The following GBP2 variants were observed in gnomAD, a reference collection of about 807,000 sequenced individuals.
GBP2 encodes the protein guanylate-binding protein 2.
A neutral mutation model predicts 60.8 loss-of-function variants in GBP2; 54 were observed. The observed-to-expected ratio is 0.89, with a 90% CI of 0.71 to 1.11. GBP2 has a LOEUF of 1.11. Ranked by LOEUF, GBP2 falls within the 50% of genes most tolerant of loss-of-function variation. The pLI is 0.00. For missense variants in GBP2, 665 were observed against 703.3 expected (o/e 0.95, Z 0.62); for synonymous variants, 243 against 256.5 (o/e 0.95, Z 0.50).
rs1681085586 is a variant in GBP2 at position 89,107,918 on chromosome 1, T to C, written c.*257A>G. 3.1e-6 allele frequency: 1 copy of C among 320,016 alleles called. No individual in the cohort carries two copies. The highest frequency in any genetic ancestry group is 2.2e-5 in the African/African-American group (1 of 45,154). 19.8% of individuals were successfully genotyped at this position (320,016 alleles called of 1,614,324 possible). A position where few individuals can be genotyped will look rare whatever the true frequency, so the allele number is the denominator to read the frequency against. The stretch of plus-strand genomic sequence containing the variant: ...AATATCTCTCTTGAGTCCTTGTGTA[T>C]GATTTCAAATATAGGATTTAGTTAA... On this transcript the variant is annotated 3_prime_UTR_variant, in exon 11 of 11. Transcript: ENST00000370466.
chr1:89,115,250 G>C (rs1681245699), intron 6 of GBP2, among the ~76,000 whole-genome samples: 1 of 152,044 alleles, frequency 6.6e-6, no homozygotes, highest in African/African-American at 2.4e-5. Context: ...AATATCCAAA[G>C]TATGTTCGGA....
In GBP2 at chr1:89,126,035, A is replaced by C. The variant is rs573942141; in HGVS notation, c.-190T>G. On this transcript the variant is annotated 5_prime_UTR_variant, in exon 1 of 11. Transcript: ENST00000370466. ...CTCCAACGTCCTGGGGCTTCCTCCA[A>C]CGTCCAGGCTCTGTCAATGTCAGAG... The C allele has an allele frequency of 2.6e-4, 39 of 152,240 alleles. No individual in the cohort carries two copies. Among genetic ancestry groups the C allele is most frequent in the African/African-American group, 8.7e-4 (36 of 41,514 alleles). The allele number at this position is 152,240 out of a possible 1,614,324, so 9.4% of individuals were successfully genotyped here. A position where few individuals can be genotyped will look rare whatever the true frequency, so the allele number is the denominator to read the frequency against.
At position 89,107,733 on chromosome 1, in the gene GBP2, C is replaced by T. The variant is rs1204993052; in HGVS notation, c.*442G>A. On this transcript the variant is annotated 3_prime_UTR_variant, in exon 11 of 11. Coordinates refer to ENST00000370466, the MANE Select transcript of GBP2 (RefSeq NM_004120.5). ...TTGTTTGGTCTCATCACATTTTCAT[C>T]ATATTCACAACACTTCAGCCCTATG... 6.6e-6 allele frequency among the ~76,000 whole-genome samples: 1 copy of T among 152,172 alleles called. No individual in the cohort carries two copies. Among genetic ancestry groups the T allele is most frequent in the African/African-American group, 2.4e-5 (1 of 41,434 alleles).
At chr1:89,121,641 T>C in intron 2 of GBP2, 136 bp downstream of exon 2, 1 of 880,086 alleles carries the variant, frequency 1.1e-6, no homozygotes, top group Non-Finnish European at 1.7e-6. Flanking sequence ...CCAAAGTCAA[T>C]GTAAAGAGCC....
intron 6 of GBP2, among the ~76,000 whole-genome samples, chr1:89,115,809 C>A (rs569966408): frequency 2.6e-5 from 4 of 152,108 alleles, no homozygotes; most frequent in Non-Finnish European, 2.9e-5. Flanking sequence ...CTACTTTTCC[C>A]AGGCTGGTCT....
intron 1 of GBP2, among the ~76,000 whole-genome samples, chr1:89,122,654 T>C (rs1055073674): frequency 1.3e-5 from 2 of 152,248 alleles, no homozygotes; most frequent in Non-Finnish European, 2.9e-5. Context: ...ACCTTAACTT[T>C]GATCACTTGG....
At chr1:89,125,241 G>A (rs778328291) in intron 1 of GBP2, among the ~76,000 whole-genome samples, 1 of 152,106 alleles carries the variant, frequency 6.6e-6, no homozygotes, top group African/African-American at 2.4e-5. Context: ...ATATGGAGTC[G>A]ATTACTTCTG....
intron 7 of GBP2, 72 bp downstream of exon 7, chr1:89,113,944 T>A: frequency 6.5e-7 from 1 of 1,540,558 alleles, no homozygotes; most frequent in East Asian, 2.2e-5. Context: ...TATTTTGGGG[T>A]CTAGAAAGAA....
intron 5 of GBP2, 49 bp downstream of exon 5, chr1:89,117,528 T>A (rs768043075): frequency 7.0e-7 from 1 of 1,428,656 alleles, no homozygotes; most frequent in South Asian, 1.2e-5. Flanking sequence ...GTTATTTTGA[T>A]ATTATTTGCT....
chr1:89,122,085 A>AT, intron 1 of GBP2, 102 bp from the exon 2 acceptor site: 5 of 710,814 alleles, frequency 7.0e-6, no homozygotes, highest in Middle Eastern at 2.9e-4. Flanking sequence ...ATGCTTGAAC[A>AT]TTTTTTCATA....
At chr1:89,122,697 A>G (rs10922573) in intron 1 of GBP2, among the ~76,000 whole-genome samples, 60,469 of 151,988 alleles carry the variant, frequency 0.4, 13,516 homozygotes, top group Non-Finnish European at 0.5. Context: ...TCTCTACCAC[A>G]AAGTGTTATG....
chr1:89,124,792 A>T (rs1681486346), intron 1 of GBP2, among the ~76,000 whole-genome samples: 1 of 152,206 alleles, frequency 6.6e-6, no homozygotes, highest in Admixed American at 6.5e-5. Context: ...ACATGTAGAA[A>T]ATCTGCTGAT....
At position 89,114,901 on chromosome 1, in the gene GBP2, C is replaced by T. The variant is rs144381986; in HGVS notation, c.869-605G>A. Among the ~76,000 whole-genome samples, 4 of 152,234 alleles carry T rather than the reference C, an allele frequency of 2.6e-5. No individual in the cohort carries two copies. In the East Asian group the frequency reaches 5.8e-4, roughly 22 times the overall value. ...AATCCTGGACCTTCTCATCTCTCTG[C>T]GGTTTTAAGTACCATCTGTATGGAT... On this transcript the variant is annotated intron_variant, in intron 6 of 10. Coordinates refer to ENST00000370466, the MANE Select transcript of GBP2 (RefSeq NM_004120.5).
chr1:89,122,789 T>TG lies in GBP2; in HGVS notation c.-17-807_-17-806insC, dbSNP rs779355584. Among the ~76,000 whole-genome samples the TG allele has an allele frequency of 3.7e-4, 56 of 152,340 alleles. 6 individuals are homozygous for TG. The highest frequency in any genetic ancestry group is 9.1e-4 in the Admixed American group (14 of 15,304). On this transcript the variant is annotated intron_variant, in intron 1 of 10. Transcript: ENST00000370466. ...TAAAGATTCATCATACTTCCATAATTTTTTCAGTCACTATTTTTAGCATCT... is the reference window on the plus strand; with the variant it reads ...TAAAGATTCATCATACTTCCATAATTGTTTTCAGTCACTATTTTTAGCATCT...
chr1:89,112,628 T>C lies in GBP2; in HGVS notation c.1206A>G (p.Ser402=). 1.2e-6 allele frequency: 2 copies of C among 1,614,174 alleles called. No individual in the cohort carries two copies. The highest frequency in any genetic ancestry group is 1.7e-6 in the Non-Finnish European group (2 of 1,180,028). The part of the protein sequence containing the change: ...DFCKQNSKAS[S]DCCMALLQDI... Reference sequence around the variant, plus strand: ...CCTGAAGTAAAGCCATGCAACAATCTGATGATGCTTTGGAATTCTGCTTAC... The same window carrying C: ...CCTGAAGTAAAGCCATGCAACAATCCGATGATGCTTTGGAATTCTGCTTAC... The change falls in exon 8 of 11, where the codon TCA becomes TCG. Residue 402 remains serine, a synonymous_variant. Coordinates refer to ENST00000370466, the MANE Select transcript of GBP2 (RefSeq NM_004120.5).
At chr1:89,116,056 A>G (rs1043718643) in intron 6 of GBP2, among the ~76,000 whole-genome samples, 1 of 152,072 alleles carries the variant, frequency 6.6e-6, no homozygotes, top group African/African-American at 2.4e-5. Flanking sequence ...TCTGTCTCCC[A>G]GGCTGGAGTG....
chr1:89,110,832 C>T, intron 8 of GBP2, among the ~76,000 whole-genome samples: 1 of 152,064 alleles, frequency 6.6e-6, no homozygotes, highest in East Asian at 1.9e-4. Context: ...CCTGCTCCCC[C>T]CAAAACCTAT....
intron 4 of GBP2, 41 bp downstream of exon 4, chr1:89,120,138 T>A (rs1220568259): frequency 1.4e-6 from 2 of 1,448,298 alleles, no homozygotes; most frequent in Non-Finnish European, 1.9e-6. Context: ...AAGCTGTTAT[T>A]TTCTAGGTTT....
chr1:89,122,384 A>G (rs1381013913), intron 1 of GBP2, among the ~76,000 whole-genome samples: 1 of 152,112 alleles, frequency 6.6e-6, no homozygotes, highest in Non-Finnish European at 1.5e-5. Context: ...CATTGCATTT[A>G]GTCATTATGT....
Sources: allele counts gnomAD v4.1 joint callset (sites outside exome capture counted in the v4.1 genomes callset), GRCh38; gene constraint gnomAD v4.1.1; transcripts MANE v1.5; gene names NCBI Gene and HGNC (gene_info 2026-07-23, HGNC 2026-07-21).